Variants in TPP2 observed in about 807,000 individuals in gnomAD.
The protein encoded by TPP2 is tripeptidyl peptidase 2.
A neutral mutation model predicts 155.9 loss-of-function variants in TPP2; 34 were observed. That is an observed-to-expected ratio of 0.22 (90% CI 0.17 to 0.29). TPP2 has a LOEUF of 0.29. Ranked by LOEUF, TPP2 falls within the 10% of genes least tolerant of loss-of-function variation. The pLI is 1.00. For missense variants in TPP2, 1,028 were observed against 1,522.3 expected (o/e 0.68, Z 5.40); for synonymous variants, 510 against 529.4 (o/e 0.96, Z 0.50).
chr13:102,605,985 G>A (rs1595131748), intron 2 of TPP2, among the ~76,000 whole-genome samples: 3 of 152,264 alleles, frequency 2.0e-5, no homozygotes, highest in Admixed American at 2.0e-4. Flanking sequence ...GCCTCCCAAA[G>A]TGCTGGGATT....
intron 8 of TPP2, 149 bp from the exon 9 acceptor site, chr13:102,629,333 G>T (rs989257496): frequency 7.0e-6 from 6 of 853,342 alleles, no homozygotes; most frequent in South Asian, 3.5e-5. Context: ...CCCAAGTAGG[G>T]TATATCACTT....
At chr13:102,667,219 T>A (rs60530185) in intron 27 of TPP2, among the ~76,000 whole-genome samples, 1 of 152,166 alleles carries the variant, frequency 6.6e-6, no homozygotes, top group African/African-American at 2.4e-5. Flanking sequence ...TTAAAAAATA[T>A]TAACTTTTAG....
At chr13:102,640,478 C>A in intron 16 of TPP2, 102 bp downstream of exon 16, 1 of 879,836 alleles carries the variant, frequency 1.1e-6, no homozygotes, top group Non-Finnish European at 1.8e-6. Flanking sequence ...TTCCCTGGTA[C>A]TAATATATGT....
chr13:102,678,416 C>A lies in TPP2; in HGVS notation c.*100C>A. The stretch of plus-strand genomic sequence containing the variant: ...TTTTAGTCTAATGCATGTTTTCATC[C>A]ACTATCCAGTACTGATTATTAAAAT... On this transcript the variant is annotated 3_prime_UTR_variant, in exon 30 of 30. Coordinates refer to ENST00000376052, the MANE Select transcript of TPP2 (RefSeq NM_001330588.2). The A allele has an allele frequency of 1.1e-6, 1 of 938,802 alleles. No individual in the cohort carries two copies. Among genetic ancestry groups the A allele is most frequent in the South Asian group, 1.5e-5 (1 of 67,876 alleles). The allele number at this position is 938,802 out of a possible 1,614,324, so 58.2% of individuals were successfully genotyped here. A position where few individuals can be genotyped will look rare whatever the true frequency, so the allele number is the denominator to read the frequency against.
intron 16 of TPP2, among the ~76,000 whole-genome samples, chr13:102,642,053 A>G (rs779250195): frequency 3.9e-5 from 6 of 152,060 alleles, no homozygotes; most frequent in Non-Finnish European, 5.9e-5. Flanking sequence ...TTGGATCCAC[A>G]CTCTGCCATA....
At chr13:102,603,767 C>T (rs1366184992) in intron 1 of TPP2, among the ~76,000 whole-genome samples, 3 of 152,116 alleles carry the variant, frequency 2.0e-5, no homozygotes, top group Non-Finnish European at 4.4e-5. Context: ...ATGAACATGT[C>T]CTTTGAACTT....
chr13:102,665,728 C>T (rs1884549772), intron 27 of TPP2, among the ~76,000 whole-genome samples: 1 of 152,140 alleles, frequency 6.6e-6, no homozygotes, highest in Non-Finnish European at 1.5e-5. Flanking sequence ...TATCCTGATT[C>T]TTTTGTGGTT....
At chr13:102,639,595 C>T (rs139056692) in intron 15 of TPP2, among the ~76,000 whole-genome samples, 269 of 152,242 alleles carry the variant, frequency 1.8e-3, no homozygotes, top group Non-Finnish European at 3.1e-3. Context: ...TGATTCTCTC[C>T]ATGCTAGATT....
At chr13:102,609,601 TG>T (rs1345857431) in intron 2 of TPP2, among the ~76,000 whole-genome samples, 1 of 151,990 alleles carries the variant, frequency 6.6e-6, no homozygotes, top group Non-Finnish European at 1.5e-5. Flanking sequence ...TTCACCATGT[TG>T]GCCAAGCTGG....
intron 27 of TPP2, among the ~76,000 whole-genome samples, chr13:102,668,312 AAC>A (rs1484342248): frequency 6.6e-6 from 1 of 152,122 alleles, no homozygotes; most frequent in Non-Finnish European, 1.5e-5. Flanking sequence ...CTTTCCCTCT[AAC>A]TTTTACCTAC....
intron 3 of TPP2, 37 bp from the exon 4 acceptor site, chr13:102,616,359 T>C: frequency 1.3e-6 from 2 of 1,545,864 alleles, no homozygotes; most frequent in Non-Finnish European, 1.8e-6. Flanking sequence ...TGAGTATTTG[T>C]CAGCCTAATT....
At chr13:102,636,435 T>C (rs763142590) in intron 13 of TPP2, 43 bp downstream of exon 13, 1 of 1,578,138 alleles carries the variant, frequency 6.3e-7, no homozygotes, top group South Asian at 1.2e-5. Flanking sequence ...TCACATTTGC[T>C]GTTTGAATGA....
At chr13:102,601,786 A>G (rs970573182) in intron 1 of TPP2, among the ~76,000 whole-genome samples, 8 of 152,078 alleles carry the variant, frequency 5.3e-5, no homozygotes, top group African/African-American at 1.7e-4. Context: ...CTCTGACCCT[A>G]CATTTCTGTT....
chr13:102,627,409 C>T (rs1881700808), intron 7 of TPP2, among the ~76,000 whole-genome samples: 1 of 152,056 alleles, frequency 6.6e-6, no homozygotes, highest in African/African-American at 2.4e-5. Context: ...TAGCAAATCT[C>T]CTAACAAGCA....
intron 2 of TPP2, among the ~76,000 whole-genome samples, chr13:102,613,638 G>A (rs1053353467): frequency 6.6e-6 from 1 of 152,068 alleles, no homozygotes; most frequent in Non-Finnish European, 1.5e-5. Context: ...AGAATTTTTG[G>A]TTTCCATGAT....
intron 1 of TPP2, among the ~76,000 whole-genome samples, chr13:102,602,272 T>A (rs1879488249): frequency 6.6e-6 from 1 of 152,220 alleles, no homozygotes; most frequent in South Asian, 2.1e-4. Context: ...TCTTACATTT[T>A]TCTCTTTTTT....
At chr13:102,624,581 T>C (rs1337564662) in intron 6 of TPP2, among the ~76,000 whole-genome samples, 1 of 152,160 alleles carries the variant, frequency 6.6e-6, no homozygotes, top group Non-Finnish European at 1.5e-5. Context: ...CTTTCCAGAA[T>C]TTTATGTAAG....
chr13:102,652,527 T>A (rs1883589352), intron 24 of TPP2, among the ~76,000 whole-genome samples: 1 of 149,104 alleles, frequency 6.7e-6, no homozygotes, highest in East Asian at 2.0e-4. Flanking sequence ...TGATTTCTTT[T>A]TAAACAGAAA....
At chr13:102,621,345 A>G (rs1881152303) in intron 5 of TPP2, among the ~76,000 whole-genome samples, 2 of 152,208 alleles carry the variant, frequency 1.3e-5, no homozygotes, top group Admixed American at 6.5e-5. Context: ...AAGCTACTCC[A>G]TGGACTCTAG....
Sources: gnomAD v4.1 joint callset for allele counts (sites outside exome capture counted in the v4.1 genomes callset) on GRCh38, gnomAD v4.1.1 for gene constraint, MANE v1.5 for transcripts, NCBI Gene and HGNC (gene_info 2026-07-23, HGNC 2026-07-21) for gene names.